The following SIM2 variants were observed in gnomAD, a reference collection of about 807,000 sequenced individuals.
SIM2 encodes single-minded homolog 2.
A neutral mutation model predicts 64.8 loss-of-function variants in SIM2; 28 were observed. The observed-to-expected ratio is 0.43, with a 90% CI of 0.32 to 0.59. SIM2 has a LOEUF of 0.59. Among genes scored for constraint, SIM2 ranks in the 20% least tolerant of loss-of-function variants. SIM2 has a pLI of 0.07. For missense variants in SIM2, 847 were observed against 871.4 expected (o/e 0.97, Z 0.35); for synonymous variants, 408 against 391.1 (o/e 1.04, Z -0.51).
At position 36,741,835 on chromosome 21, in the gene SIM2, C is replaced by G. The variant is rs1051049673; in HGVS notation, c.969C>G (p.His323Gln). Residue 323 changes from histidine (H) to glutamine (Q), a missense_variant, in exon 8 of 11, where the codon CAC (histidine) becomes CAG (glutamine). By Grantham distance (24) the His-to-Gln change is conservative. This residue lies in a region of SIM2 where 397 missense variants were observed against 439.2 expected (regional missense o/e 0.90). Transcript: ENST00000290399. ...VVHNSRSSRP[H>Q]CIVSVNYVLT... is the part of the protein sequence containing the mutation. ...ACAACAGCCGCTCGTCCCGGCCCCA[C>G]TGCATCGTGAGTGTCAATTATGTAC... 1 of 1,603,914 alleles carries G rather than the reference C, an allele frequency of 6.2e-7. No individual in the cohort carries two copies. The highest frequency in any genetic ancestry group is 8.5e-7 in the Non-Finnish European group (1 of 1,175,504).
intron 5 of SIM2, among the ~76,000 whole-genome samples, chr21:36,725,680 C>T (rs545837465): frequency 6.6e-6 from 1 of 152,128 alleles, no homozygotes; most frequent in South Asian, 2.1e-4. Flanking sequence ...AGTGCAGTGG[C>T]ACAATCTCGG....
chr21:36,702,654 T>C (rs2088518535), intron 1 of SIM2, among the ~76,000 whole-genome samples: 1 of 152,170 alleles, frequency 6.6e-6, no homozygotes. Context: ...GAGTGGCATC[T>C]TGATTGATTT....
rs1347853865 is a variant in SIM2, at chr21:36,748,057, C to G, written c.1969C>G (p.Leu657Val). ...GCCCGGCGCGCCCCTGCCGCACTAC[C>G]TGGGCGCCTCGGTCATCATCACCAA... ...SPPGAPLPHYLGASVIITNGR is the reference protein window; with the variant it reads ...SPPGAPLPHYVGASVIITNGR The change falls in exon 11 of 11, where the codon CTG becomes GTG. Residue 657 changes from leucine to valine, a missense_variant. Around this residue, in one of 3 missense-constraint regions of SIM2, gnomAD observed 447 missense variants for 414.6 expected, o/e 1.08. Transcript: ENST00000290399. 9.1e-6 allele frequency: 11 copies of G among 1,203,594 alleles called. No homozygotes were observed. The highest frequency in any genetic ancestry group is 1.0e-5 in the Non-Finnish European group (10 of 969,912). The allele number at this position is 1,203,594 out of a possible 1,614,324, so 74.6% of individuals were successfully genotyped here.
intron 1 of SIM2, among the ~76,000 whole-genome samples, chr21:36,702,776 C>T (rs775198993): frequency 5.3e-5 from 8 of 151,806 alleles, no homozygotes; most frequent in Non-Finnish European, 1.0e-4. Flanking sequence ...GGTTTTAGGG[C>T]CAGGGTGGTC....
chr21:36,745,486 C>A lies in SIM2; in HGVS notation c.1576+350C>A. ...TGCTGAGAACACCCCAGCTGCATTTCTTTTGCAAGATTCCTTTCCACTCCA... is the reference window on the plus strand; with the variant it reads ...TGCTGAGAACACCCCAGCTGCATTTATTTTGCAAGATTCCTTTCCACTCCA... On this transcript the variant is annotated intron_variant, in intron 10 of 10. Transcript: ENST00000290399. This position sits in a 1 kb window ranked among gnomAD's most constrained non-coding sequence, Gnocchi z 4.8. The A allele has an allele frequency of 8.6e-7, 1 of 1,165,916 alleles. No homozygotes were observed. Among genetic ancestry groups the A allele is most frequent in the Non-Finnish European group, 1.1e-6 (1 of 933,204 alleles). The allele number at this position is 1,165,916 out of a possible 1,614,324, so 72.2% of individuals were successfully genotyped here. A position where few individuals can be genotyped will look rare whatever the true frequency, so the allele number is the denominator to read the frequency against.
At chr21:36,715,329 A>G (rs1015271822) in intron 3 of SIM2, among the ~76,000 whole-genome samples, 2 of 152,222 alleles carry the variant, frequency 1.3e-5, no homozygotes, top group Non-Finnish European at 2.9e-5. Context: ...AAAGTATTGA[A>G]TAGGATGTCA....
Position 36,744,848 on chromosome 21 carries a change from C to T in SIM2, c.1288C>T (p.Leu430Phe). Residue 430 changes from leucine to phenylalanine, a missense_variant, in exon 10 of 11, where the codon CTT (leucine) becomes TTT (phenylalanine). Leu to Phe is a conservative substitution (Grantham distance 22). Around this residue, in one of 3 missense-constraint regions of SIM2, gnomAD observed 447 missense variants for 414.6 expected, o/e 1.08. Transcript: ENST00000290399. The part of the protein sequence containing the change: ...ELQPHSESSD[L>F]LYTPSYSLPF... ...GCAGCCCCACTCAGAAAGCAGTGAC[C>T]TTCTGTACACGCCATCCTACAGCCT... 6.2e-7 allele frequency: 1 copy of T among 1,614,254 alleles called. No homozygotes were observed. Among genetic ancestry groups the T allele is most frequent in the Non-Finnish European group, 8.5e-7 (1 of 1,180,038 alleles).
chr21:36,731,621 C>A (rs1452843991), intron 7 of SIM2, among the ~76,000 whole-genome samples: 1 of 152,166 alleles, frequency 6.6e-6, no homozygotes, highest in Non-Finnish European at 1.5e-5. Context: ...CGCTTGCCCA[C>A]CTTCATACAG....
chr21:36,717,112 C>T (rs1214358457), intron 3 of SIM2, among the ~76,000 whole-genome samples: 4 of 152,194 alleles, frequency 2.6e-5, no homozygotes, highest in African/African-American at 7.2e-5. Flanking sequence ...TTCATCTGTG[C>T]AACCTCACCC....
intron 1 of SIM2, among the ~76,000 whole-genome samples, chr21:36,707,975 G>GGGCA: frequency 2.0e-5 from 3 of 152,144 alleles, no homozygotes; most frequent in Non-Finnish European, 2.9e-5. Flanking sequence ...CTGGCCCAGC[G>GGGCA]TGGGTTGGGG....
At chr21:36,733,912 A>G (rs959578171) in intron 7 of SIM2, among the ~76,000 whole-genome samples, 37 of 152,170 alleles carry the variant, frequency 2.4e-4, no homozygotes, top group Non-Finnish European at 5.3e-4. Context: ...TGAAGCCCAC[A>G]GTGGTGCTCA....
rs763144430 is a variant in SIM2 at position 36,744,892 on chromosome 21, C to G, written c.1332C>G (p.Tyr444Ter). ...ACAGCCTGCCCTTCTCCTACCATTACGGACACTTCCCTCTGGACTCTCACG... is the reference window on the plus strand; with the variant it reads ...ACAGCCTGCCCTTCTCCTACCATTAGGGACACTTCCCTCTGGACTCTCACG... Reference protein sequence around the residue: ...PSYSLPFSYHYGHFPLDSHVF... With the variant: ...PSYSLPFSYH The change falls in exon 10 of 11, where the codon TAC (tyrosine) becomes TAG (stop). Residue 444 changes from tyrosine to a stop codon, truncating the protein, a stop_gained. Transcript: ENST00000290399. LOFTEE classifies it high-confidence loss of function. The G allele has an allele frequency of 1.9e-6, 3 of 1,614,242 alleles. No homozygotes were observed. The highest frequency in any genetic ancestry group is 4.5e-5 in the East Asian group (2 of 44,882).
At position 36,745,244 on chromosome 21, in the gene SIM2, C is replaced by A. The variant is rs2089216070; in HGVS notation, c.1576+108C>A. On this transcript the variant is annotated intron_variant, in intron 10 of 10. Transcript: ENST00000290399. This position sits in a 1 kb window ranked among gnomAD's most constrained non-coding sequence, Gnocchi z 4.8. ...GGAGACAGAACCCTCACGCTTTGGG[C>A]AAACTTGCCCTCTTTCTGCTTCTAA... is the stretch of plus-strand genomic sequence containing the variant. 3 of 1,471,682 alleles carry A rather than the reference C, an allele frequency of 2.0e-6. No homozygotes were observed. The East Asian group carries it at 7.5e-5, about 37-fold the overall frequency. The allele number at this position is 1,471,682 out of a possible 1,614,324, so 91.2% of individuals were successfully genotyped here.
rs747315065 is a variant in SIM2, at chr21:36,709,181, G to T, written c.189G>T (p.Ala63=). 14 of 1,609,538 alleles carry T rather than the reference G, an allele frequency of 8.7e-6. No homozygotes were observed. The highest frequency in any genetic ancestry group is 1.2e-5 in the Non-Finnish European group (14 of 1,178,590). Residue 63 remains alanine, a synonymous_variant, in exon 2 of 11, where the codon GCG becomes GCT. Coordinates refer to ENST00000290399, the MANE Select transcript of SIM2 (RefSeq NM_005069.6). ...TCCCTCGTCCAGGTTTAGGAGACGC[G>T]TGGGGACAGCCGAGCCGCGCCGGGC... ...RAVFPEGLGD[A]WGQPSRAGPL...
At chr21:36,723,206 G>T (rs957828381) in intron 5 of SIM2, 76 bp downstream of exon 5, 2 of 1,185,198 alleles carry the variant, frequency 1.7e-6, no homozygotes, top group African/African-American at 1.5e-5. Flanking sequence ...TCTGCAGAAA[G>T]GAAGGCACGG....
At chr21:36,730,680 G>A (rs1297403254) in intron 6 of SIM2, among the ~76,000 whole-genome samples, 6 of 152,180 alleles carry the variant, frequency 3.9e-5, no homozygotes, top group South Asian at 2.1e-4. Flanking sequence ...CCGTCCCCCC[G>A]AAGCCCTCCA....
chr21:36,706,897 A>G (rs1329603430), intron 1 of SIM2, among the ~76,000 whole-genome samples: 1 of 152,248 alleles, frequency 6.6e-6, no homozygotes, highest in Non-Finnish European at 1.5e-5. Flanking sequence ...GTTATCTTGA[A>G]CTGTGCGGGT....
intron 6 of SIM2, among the ~76,000 whole-genome samples, chr21:36,729,538 G>A (rs995988927): frequency 1.3e-5 from 2 of 152,176 alleles, no homozygotes; most frequent in African/African-American, 4.8e-5. Flanking sequence ...AGGGAAGCGG[G>A]TTAAAGAATG....
chr21:36,730,908 G>A, intron 6 of SIM2, 137 bp from the exon 7 acceptor site: 1 of 638,528 alleles, frequency 1.6e-6, no homozygotes, highest in Non-Finnish European at 2.8e-6. Context: ...TTGTAAAAAA[G>A]ATCATTCTCA....
Sources: gnomAD v4.1 joint callset for allele counts (sites outside exome capture counted in the v4.1 genomes callset) on GRCh38, gnomAD v4.1.1 for gene constraint, gnomAD v4.1.1 regional missense constraint, Gnocchi (gnomAD v3.1) non-coding constraint, MANE v1.5 for transcripts, NCBI Gene and HGNC (gene_info 2026-07-23, HGNC 2026-07-21) for gene names.